The following CD5L variants were observed in gnomAD, a reference collection of about 807,000 sequenced individuals.
CD5L encodes the protein CD5 molecule like.
A neutral mutation model predicts 40.8 loss-of-function variants in CD5L; 39 were observed. The observed-to-expected ratio is 0.96, with a 90% CI of 0.74 to 1.25. CD5L has a LOEUF of 1.25. CD5L is among the 50% of genes most tolerant of loss of function. The pLI is 0.00. For synonymous variants in CD5L, 192 were observed against 169.6 expected (o/e 1.13, Z -1.03); for missense variants, 433 against 435.9 (o/e 0.99, Z 0.06).
chr1:157,830,955 G>A lies in CD5L; in HGVS notation c.*1009C>T. The A allele has an allele frequency of 1.0e-6, 1 of 985,278 alleles. No individual in the cohort carries two copies. Among genetic ancestry groups the A allele is most frequent in the Non-Finnish European group, 1.2e-6 (1 of 829,802 alleles). 61.0% of individuals were successfully genotyped at this position (985,278 alleles called of 1,614,324 possible). ...TGATTTATTAGATAAGTGTAAATGT[G>A]TAAATGTAGCCGTATAATAAGTACT... On this transcript the variant is annotated 3_prime_UTR_variant, in exon 6 of 6. Transcript: ENST00000368174.
chr1:157,830,848 C>A (rs1557938942), downstream of CD5L: 1 of 699,744 alleles, frequency 1.4e-6, no homozygotes, highest in Non-Finnish European at 1.8e-6. Context: ...AAGAAACTGC[C>A]ATAGAGAATC....
rs1373606515 is a variant in CD5L, at chr1:157,833,428, A to C, written c.803T>G (p.Val268Gly). ...EVLHKGVWGS[V>G]CDDNWGEKED... The stretch of plus-strand genomic sequence containing the variant: ...CTTTTCTCCCCAGTTGTCATCACAG[A>C]CAGAGCCCCATACGCCCTTGTGCAG... The change falls in exon 5 of 6, where the codon GTC becomes GGC. Residue 268 changes from valine (V) to glycine (G), a missense_variant. By Grantham distance (109) the Val-to-Gly change is moderately radical. Coordinates refer to ENST00000368174, the MANE Select transcript of CD5L (RefSeq NM_005894.3). 1 of 1,614,022 alleles carries C rather than the reference A, an allele frequency of 6.2e-7. No homozygotes were observed. The highest frequency in any genetic ancestry group is 8.5e-7 in the Non-Finnish European group (1 of 1,180,048).
At chr1:157,827,959 G>C (rs1309059931), downstream of CD5L, among the ~76,000 whole-genome samples, 1 of 152,178 alleles carries the variant, frequency 6.6e-6, no homozygotes, top group Non-Finnish European at 1.5e-5. Context: ...AATTTTATTA[G>C]CTCTTCCTCA....
chr1:157,835,715 G>C (rs916009691), intron 3 of CD5L, 120 bp downstream of exon 3: 19 of 757,602 alleles, frequency 2.5e-5, no homozygotes, highest in Non-Finnish European at 4.2e-5. Flanking sequence ...TATGAGATGT[G>C]GGGGGTGAGG....
At chr1:157,832,066 C>T in intron 5 of CD5L, 98 bp from the exon 6 acceptor site, 5 of 966,214 alleles carry the variant, frequency 5.2e-6, no homozygotes, top group Admixed American at 2.5e-5. Context: ...GACTGGGGCT[C>T]AACATAGGAA....
In CD5L at chr1:157,839,423, G is replaced by A; in HGVS notation, c.29-13C>T. The A allele has an allele frequency of 6.2e-7, 1 of 1,612,788 alleles. No individual in the cohort carries two copies. Among genetic ancestry groups the A allele is most frequent in the Non-Finnish European group, 8.5e-7 (1 of 1,179,620 alleles). On this transcript the variant is annotated splice_polypyrimidine_tract_variant and intron_variant, in intron 1 of 5. Coordinates refer to ENST00000368174, the MANE Select transcript of CD5L (RefSeq NM_005894.3). ...CTGGTGCAAATGGCTGGGGAAGAAA[G>A]AAGGAAATGAGTGAGGTCAATTTCC...
chr1:157,828,288 A>G (rs909941149), downstream of CD5L, among the ~76,000 whole-genome samples: 2 of 152,198 alleles, frequency 1.3e-5, no homozygotes, highest in African/African-American at 2.4e-5. Flanking sequence ...TACTTGGTCC[A>G]TCAACACAGT....
Position 157,839,403 on chromosome 1 carries a change from G to A in CD5L, c.36C>T (p.Cys12=). The change falls in exon 2 of 6, where the codon TGC becomes TGT. Residue 12 remains cysteine (C), a synonymous_variant. Coordinates refer to ENST00000368174, the MANE Select transcript of CD5L (RefSeq NM_005894.3). ...ALLFSLILAI[C]TRPGFLASPS... is the part of the protein sequence containing the mutation. ...TCTTACCTAGGAATCCAGGTCTGGT[G>A]CAAATGGCTGGGGAAGAAAGAAGGA... 2.5e-6 allele frequency: 4 copies of A among 1,613,320 alleles called. No individual in the cohort carries two copies. The highest frequency in any genetic ancestry group is 3.4e-6 in the Non-Finnish European group (4 of 1,179,784).
At chr1:157,830,511 C>A (rs1211309117), downstream of CD5L, among the ~76,000 whole-genome samples, 1 of 152,198 alleles carries the variant, frequency 6.6e-6, no homozygotes, top group African/African-American at 2.4e-5. Context: ...TGTCCCACTG[C>A]ACCCCTCCTC....
chr1:157,833,669 G>A (rs1200417157), intron 4 of CD5L, among the ~76,000 whole-genome samples, 157 bp from the exon 5 acceptor site: 1 of 151,624 alleles, frequency 6.6e-6, no homozygotes, highest in African/African-American at 2.4e-5. Context: ...GTAGTGGTGT[G>A]ATCACCACTC....
intron 2 of CD5L, among the ~76,000 whole-genome samples, chr1:157,836,770 G>T (rs991578419): frequency 6.6e-6 from 1 of 152,174 alleles, no homozygotes; most frequent in East Asian, 1.9e-4. Flanking sequence ...CTATGAAATT[G>T]TTCCTTGTTC....
Position 157,834,606 on chromosome 1 carries a change from C to G in CD5L, c.519G>C (p.Lys173Asn). The G allele has an allele frequency of 6.2e-7, 1 of 1,614,210 alleles. No homozygotes were observed. Among genetic ancestry groups the G allele is most frequent in the Non-Finnish European group, 8.5e-7 (1 of 1,180,044 alleles). Residue 173 changes from lysine (K) to asparagine (N), a missense_variant, in exon 4 of 6, where the codon AAG becomes AAC. Lys to Asn is a moderately conservative substitution (Grantham distance 94). Coordinates refer to ENST00000368174, the MANE Select transcript of CD5L (RefSeq NM_005894.3). ...CACATCCCAGCTGCCGGCACACCAC[C>G]TTTGCGGCCCGGAGGCTCCAGCCTG... ...CQTGWSLRAA[K>N]VVCRQLGCGR...
Position 157,834,753 on chromosome 1 carries a change from G to A in CD5L, c.377-5C>T. ...GGGAGAAAGAGCTCTCTGGGTCTGA[G>A]GGGAAAGAAAGAGAGCGTGTCTGTT... On this transcript the variant is annotated splice_polypyrimidine_tract_variant and splice_region_variant and intron_variant, in intron 3 of 5. Coordinates refer to ENST00000368174, the MANE Select transcript of CD5L (RefSeq NM_005894.3). 3 of 1,609,474 alleles carry A rather than the reference G, an allele frequency of 1.9e-6. No individual in the cohort carries two copies. Among genetic ancestry groups the A allele is most frequent in the Non-Finnish European group, 2.6e-6 (3 of 1,176,166 alleles).
chr1:157,838,712 T>G (rs1656285878), intron 2 of CD5L, among the ~76,000 whole-genome samples: 1 of 152,134 alleles, frequency 6.6e-6, no homozygotes, highest in African/African-American at 2.4e-5. Context: ...GTTGCATCTA[T>G]CAGGGTATAG....
chr1:157,832,136 G>A (rs2101935457), intron 5 of CD5L, among the ~76,000 whole-genome samples, 168 bp from the exon 6 acceptor site: 1 of 152,296 alleles, frequency 6.6e-6, no homozygotes, highest in Middle Eastern at 3.4e-3. Flanking sequence ...ACCTTGTGCA[G>A]TATCCCAGGG....
At chr1:157,841,135 C>A (rs907609371) in intron 1 of CD5L, among the ~76,000 whole-genome samples, 9 of 152,132 alleles carry the variant, frequency 5.9e-5, no homozygotes, top group Non-Finnish European at 1.0e-4. Context: ...TACGAATTCA[C>A]ACCGCTAAGA....
intron 5 of CD5L, 71 bp from the exon 6 acceptor site, chr1:157,832,039 C>T: frequency 8.2e-7 from 1 of 1,222,336 alleles, no homozygotes; most frequent in South Asian, 1.5e-5. Flanking sequence ...TTGAAACTCA[C>T]ATTAGCTAAG....
In CD5L at chr1:157,831,286, A is replaced by G. The variant is rs1313510493; in HGVS notation, c.*678T>C. The G allele has an allele frequency of 2.0e-6, 2 of 985,224 alleles. No homozygotes were observed. Among genetic ancestry groups the G allele is most frequent in the Non-Finnish European group, 2.4e-6 (2 of 829,888 alleles). The allele number at this position is 985,224 out of a possible 1,614,324, so 61.0% of individuals were successfully genotyped here. On this transcript the variant is annotated 3_prime_UTR_variant, in exon 6 of 6. Coordinates refer to ENST00000368174, the MANE Select transcript of CD5L (RefSeq NM_005894.3). ...ATAGGGATGGACAACAAAGATTTTT[A>G]TTGGGGCAATCAGAGGATGAAACAT...
intron 2 of CD5L, 91 bp downstream of exon 2, chr1:157,839,293 G>A: frequency 1.6e-6 from 2 of 1,280,632 alleles, no homozygotes; most frequent in South Asian, 2.4e-5. Flanking sequence ...GGCCTGTTTT[G>A]AACAAGTCTT....
Sources: gnomAD v4.1 joint callset for allele counts (sites outside exome capture counted in the v4.1 genomes callset) on GRCh38, gnomAD v4.1.1 for gene constraint, MANE v1.5 for transcripts, NCBI Gene and HGNC (gene_info 2026-07-23, HGNC 2026-07-21) for gene names.